The following PRKG2 variants were observed in gnomAD, a reference collection of about 807,000 sequenced individuals.
PRKG2 encodes cGMP-dependent protein kinase 2.
PRKG2 carries 33 observed loss-of-function variants against 97.2 expected under a neutral mutation model. That is an observed-to-expected ratio of 0.34 (90% CI 0.26 to 0.45). The LOEUF (loss-of-function observed/expected upper bound fraction) is 0.45. PRKG2 is among the 20% of genes least tolerant of loss of function. The pLI, the probability that PRKG2 is intolerant of heterozygous loss-of-function variation, is 1.00. For missense variants in PRKG2, 638 were observed against 900.0 expected, an observed-to-expected ratio of 0.71 and a Z score of 3.73; for synonymous variants, 330 against 321.8, an observed-to-expected ratio of 1.03 and a Z score of -0.27.
At chr4:81,159,457 C>A (rs1448535238) in intron 6 of PRKG2, among the ~76,000 whole-genome samples, 3 of 152,102 alleles carry the variant, frequency 2.0e-5, no homozygotes, top group African/African-American at 7.2e-5. Context: ...AGTCAAGAAA[C>A]AACAGGTGCT....
intron 2 of PRKG2, among the ~76,000 whole-genome samples, chr4:81,194,113 T>C (rs1241992075): frequency 6.6e-6 from 1 of 152,138 alleles, no homozygotes; most frequent in Non-Finnish European, 1.5e-5. Context: ...AGAATATTAA[T>C]CCCATAAATT....
rs773622955 is a variant in PRKG2 at position 81,169,640 on chromosome 4, G to C, written c.848+23C>G. On this transcript the variant is annotated intron_variant, in intron 5 of 18. Transcript: ENST00000264399. ...ATATGGCGACTCCACTGTCTTCACT[G>C]TCTCCCAATGTATTATTCTTACCTT... 11 of 1,495,402 alleles carry C rather than the reference G, an allele frequency of 7.4e-6. No individual in the cohort carries two copies. The African/African-American group carries it at 1.5e-4, about 21-fold the overall frequency. The allele number at this position is 1,495,402 out of a possible 1,614,324, so 92.6% of individuals were successfully genotyped here. A position where few individuals can be genotyped will look rare whatever the true frequency, so the allele number is the denominator to read the frequency against.
chr4:81,200,352 C>T (rs1026681717), intron 2 of PRKG2, among the ~76,000 whole-genome samples: 7 of 152,114 alleles, frequency 4.6e-5, no homozygotes, highest in African/African-American at 9.7e-5. Context: ...CAAACCCATT[C>T]GCAATGTCCT....
At chr4:81,197,184 TGTC>T (rs2110120590) in intron 2 of PRKG2, among the ~76,000 whole-genome samples, 1 of 152,338 alleles carries the variant, frequency 6.6e-6, no homozygotes, top group African/African-American at 2.4e-5. Context: ...CACTGTCCAC[TGTC>T]TTCTCAATGA....
At chr4:81,147,956 A>G (rs2110050818) in intron 9 of PRKG2, among the ~76,000 whole-genome samples, 1 of 152,250 alleles carries the variant, frequency 6.6e-6, no homozygotes, top group African/African-American at 2.4e-5. Context: ...AGGGGTATAG[A>G]TAAGGCATAA....
intron 15 of PRKG2, 38 bp from the exon 16 acceptor site, chr4:81,105,973 C>CA (rs755057156): frequency 6.3e-7 from 1 of 1,590,944 alleles, no homozygotes; most frequent in African/African-American, 1.3e-5. Flanking sequence ...ACATTAATAA[C>CA]AGGGTCTGAG....
chr4:81,176,864 C>T (rs1294916670), intron 2 of PRKG2, among the ~76,000 whole-genome samples: 1 of 151,838 alleles, frequency 6.6e-6, no homozygotes, highest in African/African-American at 2.4e-5. Flanking sequence ...CATGGAAGTA[C>T]TCAAAAAGAC....
intron 17 of PRKG2, among the ~76,000 whole-genome samples, chr4:81,101,496 C>G (rs1440508503): frequency 7.0e-6 from 1 of 142,616 alleles, no homozygotes; most frequent in Non-Finnish European, 1.5e-5. Context: ...TGTTCTCACT[C>G]ATAGATGGGA....
At chr4:81,205,991 ATAAC>A (rs1753625794) in intron 1 of PRKG2, among the ~76,000 whole-genome samples, 1 of 152,212 alleles carries the variant, frequency 6.6e-6, no homozygotes, top group African/African-American at 2.4e-5. Context: ...TGAAATATAA[ATAAC>A]TATCACCACA....
rs112801412 is a variant in PRKG2 at position 81,204,075 on chromosome 4, T to C, written c.461+512A>G. Among the ~76,000 whole-genome samples, 861 of 152,314 alleles carry C rather than the reference T, an allele frequency of 5.7e-3. 5 individuals are homozygous for C. The highest frequency in any genetic ancestry group is 0.02 in the African/African-American group (824 of 41,572). Reference sequence around the variant, plus strand: ...CCCTGCTAGAAAGGCTCTGTTTCTATTCACTGAGGCATACTTAGCATCTAA... The same window carrying C: ...CCCTGCTAGAAAGGCTCTGTTTCTACTCACTGAGGCATACTTAGCATCTAA... On this transcript the variant is annotated intron_variant, in intron 2 of 18. Coordinates refer to ENST00000264399, the MANE Select transcript of PRKG2 (RefSeq NM_006259.3).
At chr4:81,200,848 G>A (rs145957529) in intron 2 of PRKG2, among the ~76,000 whole-genome samples, 97 of 152,278 alleles carry the variant, frequency 6.4e-4, no homozygotes, top group African/African-American at 2.2e-3. Flanking sequence ...CTTCAATAAA[G>A]CTGAGTGCCT....
At chr4:81,114,632 T>G (rs895339861) in intron 14 of PRKG2, among the ~76,000 whole-genome samples, 9 of 152,160 alleles carry the variant, frequency 5.9e-5, no homozygotes, top group Admixed American at 5.2e-4. Flanking sequence ...AAAAAATAAT[T>G]GATACATACA....
At position 81,204,632 on chromosome 4, in the gene PRKG2, G is replaced by T. The variant is rs770633181; in HGVS notation, c.416C>A (p.Pro139His). The change falls in exon 2 of 19, where the codon CCC becomes CAC. Residue 139 changes from proline to histidine, a missense_variant. Physicochemically the swap from Pro to His is moderately conservative, Grantham distance 77 (BLOSUM62 -2). Around this residue, in one of 3 missense-constraint regions of PRKG2, gnomAD observed 332 missense variants for 421.7 expected, o/e 0.79. Coordinates refer to ENST00000264399, the MANE Select transcript of PRKG2 (RefSeq NM_006259.3). ...TGCTTTCTCAAAGGAAAATTCAGGG[G>T]GTTTGTTCAGGTCATAGGTCCGGGT... is the stretch of plus-strand genomic sequence containing the variant. The part of the protein sequence containing the change: ...PTTRTYDLNK[P>H]PEFSFEKARV... 7 of 1,614,020 alleles carry T rather than the reference G, an allele frequency of 4.3e-6. No individual in the cohort carries two copies. The highest frequency in any genetic ancestry group is 1.3e-5 in the African/African-American group (1 of 74,912).
At chr4:81,117,937 G>A (rs1289835238) in intron 14 of PRKG2, among the ~76,000 whole-genome samples, 2 of 152,072 alleles carry the variant, frequency 1.3e-5, no homozygotes, top group Admixed American at 1.3e-4. Flanking sequence ...ATCCACCGCT[G>A]CAGTATCATA....
intron 14 of PRKG2, among the ~76,000 whole-genome samples, chr4:81,119,442 G>A (rs1479747088): frequency 6.6e-6 from 1 of 152,030 alleles, no homozygotes; most frequent in African/African-American, 2.4e-5. Flanking sequence ...CTATTTCTGG[G>A]CTCTATATTT....
upstream of PRKG2, among the ~76,000 whole-genome samples, chr4:81,217,683 A>G (rs1386856111): frequency 6.6e-6 from 1 of 152,240 alleles, no homozygotes. Flanking sequence ...TAAACACAAA[A>G]GTAAGCATAT....
chr4:81,191,461 A>G (rs1752510462), intron 2 of PRKG2, among the ~76,000 whole-genome samples: 1 of 152,052 alleles, frequency 6.6e-6, no homozygotes, highest in East Asian at 1.9e-4. Context: ...AAGGGATAGT[A>G]TTAGGAGAAA....
At chr4:81,128,340 C>T (rs1022620976) in intron 14 of PRKG2, among the ~76,000 whole-genome samples, 1 of 152,136 alleles carries the variant, frequency 6.6e-6, no homozygotes, top group African/African-American at 2.4e-5. Context: ...ATGATGCTGG[C>T]CTCATAAAAT....
intron 6 of PRKG2, among the ~76,000 whole-genome samples, chr4:81,156,799 G>A (rs1409965546): frequency 1.3e-5 from 2 of 152,122 alleles, no homozygotes; most frequent in Admixed American, 1.3e-4. Context: ...CCAACTACAT[G>A]GAAACTGAAC....
Sources: gnomAD v4.1 joint callset for allele counts (sites outside exome capture counted in the v4.1 genomes callset) on GRCh38, gnomAD v4.1.1 for gene constraint, gnomAD v4.1.1 regional missense constraint, MANE v1.5 for transcripts, NCBI Gene and HGNC (gene_info 2026-07-23, HGNC 2026-07-21) for gene names.